The following ADGRB3 variants were observed in gnomAD, a reference collection of about 807,000 sequenced individuals.
The protein encoded by ADGRB3 is adhesion G protein-coupled receptor B3.
Under a neutral mutation model 193.4 loss-of-function variants are expected in ADGRB3, and 37 were observed. That is an observed-to-expected ratio of 0.19 (90% confidence interval 0.15 to 0.25). ADGRB3 has a LOEUF of 0.25. Ranked by LOEUF, ADGRB3 falls within the 10% of genes least tolerant of loss-of-function variation. The pLI is 1.00. For missense variants in ADGRB3, 1,637 were observed against 1,852.9 expected (o/e 0.88, Z 2.14); for synonymous variants, 690 against 644.2 (o/e 1.07, Z -1.08).
intron 3 of ADGRB3, among the ~76,000 whole-genome samples, chr6:68,844,297 A>G (rs1417470169): frequency 6.6e-6 from 1 of 152,184 alleles, no homozygotes; most frequent in African/African-American, 2.4e-5. Context: ...ATTAATAACT[A>G]GAAAAAAGAG....
intron 3 of ADGRB3, among the ~76,000 whole-genome samples, chr6:68,906,815 T>G (rs554793476): frequency 2.0e-5 from 3 of 152,118 alleles, no homozygotes; most frequent in Non-Finnish European, 4.4e-5. Flanking sequence ...GGTTTGTTGT[T>G]AAACTTTAAA....
chr6:69,008,937 C>G (rs1038177323), intron 11 of ADGRB3, among the ~76,000 whole-genome samples: 7 of 151,744 alleles, frequency 4.6e-5, no homozygotes, highest in Admixed American at 2.0e-4. Context: ...TAAGGAGAGC[C>G]CTGGTAACAT....
At chr6:68,937,323 G>T (rs190042074) in intron 5 of ADGRB3, among the ~76,000 whole-genome samples, 28 of 152,080 alleles carry the variant, frequency 1.8e-4, no homozygotes, top group Non-Finnish European at 3.5e-4. Context: ...TCACAATTTT[G>T]TTCTTCAGTT....
In ADGRB3 at chr6:69,262,541, A is replaced by T. The variant is rs185553637; in HGVS notation, c.2814+23315A>T. Among the ~76,000 whole-genome samples, 10 of 151,902 alleles carry T rather than the reference A, an allele frequency of 6.6e-5. 1 individual carries two copies. On this transcript the variant is annotated intron_variant, in intron 20 of 31. Coordinates refer to ENST00000370598, the MANE Select transcript of ADGRB3 (RefSeq NM_001704.3). ...TTCAAAAACCTATCATTTATTGGCA[A>T]TTTCTCAATATTTCTCTCCAACCCC...
intron 17 of ADGRB3, among the ~76,000 whole-genome samples, chr6:69,212,351 T>C (rs1008758): frequency 0.14 from 21,776 of 152,114 alleles, 1,604 homozygotes; most frequent in Middle Eastern, 0.16. Flanking sequence ...AGGAGAAACA[T>C]AAGACTGTTT....
chr6:69,188,027 T>G (rs538193027), intron 17 of ADGRB3, among the ~76,000 whole-genome samples: 2 of 152,324 alleles, frequency 1.3e-5, no homozygotes, highest in South Asian at 4.1e-4. Context: ...TTTGCAGAAA[T>G]CATGTTAAGA....
At chr6:68,963,775 C>T (rs1768298759) in intron 8 of ADGRB3, among the ~76,000 whole-genome samples, 1 of 152,128 alleles carries the variant, frequency 6.6e-6, no homozygotes, top group African/African-American at 2.4e-5. Flanking sequence ...CTTTCTCCCA[C>T]AATCTCATAA....
At chr6:68,762,662 A>G in intron 3 of ADGRB3, among the ~76,000 whole-genome samples, 1 of 152,188 alleles carries the variant, frequency 6.6e-6, no homozygotes, top group East Asian at 1.9e-4. Flanking sequence ...GTCATACGAT[A>G]CTTAAGGTCA....
chr6:68,963,372 A>T (rs569963661), intron 8 of ADGRB3, among the ~76,000 whole-genome samples: 31 of 152,154 alleles, frequency 2.0e-4, no homozygotes, highest in African/African-American at 6.0e-4. Flanking sequence ...TTCCACACAG[A>T]TTTATCTGAT....
At chr6:69,115,408 A>G (rs1441447055) in intron 17 of ADGRB3, among the ~76,000 whole-genome samples, 4 of 152,096 alleles carry the variant, frequency 2.6e-5, no homozygotes, top group African/African-American at 9.7e-5. Context: ...GAACACATGG[A>G]CACAAGGAGG....
chr6:69,024,171 G>A (rs1173571275), intron 13 of ADGRB3, among the ~76,000 whole-genome samples: 1 of 152,070 alleles, frequency 6.6e-6, no homozygotes, highest in African/African-American at 2.4e-5. Context: ...ATCAAAGTTG[G>A]TGTCAGAGTA....
intron 16 of ADGRB3, 84 bp from the exon 17 acceptor site, chr6:69,075,911 A>T (rs916124945): frequency 9.9e-7 from 1 of 1,006,726 alleles, no homozygotes; most frequent in African/African-American, 1.6e-5. Flanking sequence ...GAAATCTTCC[A>T]TTCTGTTTCT....
At chr6:69,332,314 A>T (rs1345260180) in intron 23 of ADGRB3, 1 of 985,402 alleles carries the variant, frequency 1.0e-6, no homozygotes, top group East Asian at 1.1e-4. Context: ...ACACTAGAGC[A>T]TATTTTAAAA....
intron 27 of ADGRB3, among the ~76,000 whole-genome samples, chr6:69,354,759 C>T (rs927061008): frequency 3.3e-5 from 5 of 152,094 alleles, no homozygotes; most frequent in Non-Finnish European, 7.4e-5. Flanking sequence ...GGAGTAGGAC[C>T]TAGGTATTGG....
At chr6:68,756,240 T>C (rs949033103) in intron 3 of ADGRB3, among the ~76,000 whole-genome samples, 2 of 152,198 alleles carry the variant, frequency 1.3e-5, no homozygotes, top group African/African-American at 2.4e-5. Context: ...ATTGCCTTGG[T>C]ATAATTTAAA....
At chr6:69,003,258 G>T (rs1165056570) in intron 11 of ADGRB3, among the ~76,000 whole-genome samples, 1 of 152,114 alleles carries the variant, frequency 6.6e-6, no homozygotes, top group Non-Finnish European at 1.5e-5. Context: ...ATATGTAATT[G>T]GTATCTCTCC....
intron 3 of ADGRB3, among the ~76,000 whole-genome samples, chr6:68,854,692 G>C (rs763117907): frequency 2.0e-5 from 3 of 152,096 alleles, no homozygotes; most frequent in Non-Finnish European, 4.4e-5. Context: ...CAGATTTAGT[G>C]TCTGAACTTC....
intron 3 of ADGRB3, among the ~76,000 whole-genome samples, chr6:68,849,459 C>G (rs1296393716): frequency 1.3e-5 from 2 of 151,896 alleles, no homozygotes; most frequent in African/African-American, 4.8e-5. Flanking sequence ...TTATCTAAAT[C>G]AAACTTGTGA....
chr6:69,103,064 A>G (rs1474341718), intron 17 of ADGRB3, among the ~76,000 whole-genome samples: 1 of 152,228 alleles, frequency 6.6e-6, no homozygotes, highest in East Asian at 1.9e-4. Flanking sequence ...TTACCATGGT[A>G]ATCTCAAAAT....
Sources: allele counts gnomAD v4.1 joint callset (sites outside exome capture counted in the v4.1 genomes callset), GRCh38; gene constraint gnomAD v4.1.1; transcripts MANE v1.5; gene names NCBI Gene and HGNC (gene_info 2026-07-23, HGNC 2026-07-21).